The following KIF26B variants were observed in gnomAD, a reference collection of about 807,000 sequenced individuals.
The protein encoded by KIF26B is kinesin-like protein KIF26B.
KIF26B carries 63 observed loss-of-function variants against 151.2 expected under a neutral mutation model. The observed-to-expected ratio is 0.42, with a 90% CI of 0.34 to 0.51. The LOEUF is 0.51. Among genes scored for constraint, KIF26B ranks in the 20% least tolerant of loss-of-function variants. The pLI is 0.07. For synonymous variants in KIF26B, 1,357 were observed against 1,262.1 expected, an observed-to-expected ratio of 1.08 and a Z score of -1.59; for missense variants, 2,813 against 2,913.6, an observed-to-expected ratio of 0.97 and a Z score of 0.79.
chr1:245,526,137 C>T (rs1415601393), intron 4 of KIF26B, among the ~76,000 whole-genome samples: 1 of 152,148 alleles, frequency 6.6e-6, no homozygotes, highest in African/African-American at 2.4e-5. Flanking sequence ...GATTTCTTCT[C>T]TATTAAAAAC....
rs1198485011 is a variant in KIF26B at position 245,366,950 on chromosome 1, G to A, written c.582G>A (p.Leu194=). ...TTTGCGCCACTCACCTGAACCAGTT[G>A]AAGCAGGAGGCCATCCAGATGGTGC... is the stretch of plus-strand genomic sequence containing the variant. The part of the protein sequence containing the change: ...CDICATHLNQ[L]KQEAIQMVLT... The change falls in exon 3 of 15, where the codon TTG becomes TTA. Residue 194 remains leucine, a synonymous_variant. Coordinates refer to ENST00000407071, the MANE Select transcript of KIF26B (RefSeq NM_018012.4). 28 of 1,613,948 alleles carry A rather than the reference G, an allele frequency of 1.7e-5. No homozygotes were observed. Among genetic ancestry groups the A allele is most frequent in the East Asian group, 8.9e-5 (4 of 44,900 alleles).
At chr1:245,604,519 A>G (rs997910210) in intron 6 of KIF26B, among the ~76,000 whole-genome samples, 1 of 152,226 alleles carries the variant, frequency 6.6e-6, no homozygotes, top group South Asian at 2.1e-4. Context: ...GGGCTCAGTA[A>G]TTTAAACCTG....
chr1:245,521,168 T>C (rs1330449285), intron 4 of KIF26B, among the ~76,000 whole-genome samples: 2 of 152,100 alleles, frequency 1.3e-5, no homozygotes, highest in African/African-American at 2.4e-5. Flanking sequence ...AAACCCCGTC[T>C]TTACTAAAAA....
Position 245,366,955 on chromosome 1 carries a change from A to C in KIF26B, c.587A>C (p.Gln196Pro). ...ICATHLNQLKQEAIQMVLTLE... is the reference protein window; with the variant it reads ...ICATHLNQLKPEAIQMVLTLE... Reference sequence around the variant, plus strand: ...GCCACTCACCTGAACCAGTTGAAGCAGGAGGCCATCCAGATGGTGCTGACG... The same window carrying C: ...GCCACTCACCTGAACCAGTTGAAGCCGGAGGCCATCCAGATGGTGCTGACG... Residue 196 changes from glutamine to proline, a missense_variant, in exon 3 of 15, where the codon CAG becomes CCG. This residue lies in a region of KIF26B where 676 missense variants were observed against 688.1 expected (regional missense o/e 0.98). Transcript: ENST00000407071. The C allele has an allele frequency of 6.2e-7, 1 of 1,614,068 alleles. No individual in the cohort carries two copies. Among genetic ancestry groups the C allele is most frequent in the South Asian group, 1.1e-5 (1 of 91,092 alleles).
At chr1:245,254,057 G>T (rs571165827) in intron 2 of KIF26B, among the ~76,000 whole-genome samples, 1 of 151,946 alleles carries the variant, frequency 6.6e-6, no homozygotes, top group South Asian at 2.1e-4. Flanking sequence ...TAATTTGCCC[G>T]CCTCGGCCTC....
intron 3 of KIF26B, among the ~76,000 whole-genome samples, chr1:245,418,608 G>A (rs545775381): frequency 6.6e-6 from 1 of 152,262 alleles, no homozygotes; most frequent in South Asian, 2.1e-4. Flanking sequence ...GTAGGTGATT[G>A]GAAACATTTT....
intron 4 of KIF26B, among the ~76,000 whole-genome samples, chr1:245,433,828 T>C (rs1383213012): frequency 6.6e-6 from 1 of 152,212 alleles, no homozygotes; most frequent in African/African-American, 2.4e-5. Context: ...TGTCATTTTC[T>C]TGGCATTCTT....
At chr1:245,515,957 T>G (rs1283168320) in intron 4 of KIF26B, among the ~76,000 whole-genome samples, 1 of 152,112 alleles carries the variant, frequency 6.6e-6, no homozygotes, top group Non-Finnish European at 1.5e-5. Context: ...GGCAGCATGG[T>G]CAGGGAAGGG....
chr1:245,557,709 G>A (rs1449834491), intron 5 of KIF26B, among the ~76,000 whole-genome samples: 4 of 152,172 alleles, frequency 2.6e-5, no homozygotes, highest in African/African-American at 9.7e-5. Flanking sequence ...CAGGTGAGGT[G>A]AGTCCATATT....
At chr1:245,620,426 G>T (rs781084926) in intron 9 of KIF26B, among the ~76,000 whole-genome samples, 144 of 151,766 alleles carry the variant, frequency 9.5e-4, no homozygotes, top group Non-Finnish European at 1.9e-3. Context: ...TTGAGACAGG[G>T]TCTCACTCTG....
At chr1:245,539,781 T>C (rs1661565440) in intron 4 of KIF26B, among the ~76,000 whole-genome samples, 1 of 152,078 alleles carries the variant, frequency 6.6e-6, no homozygotes, top group Non-Finnish European at 1.5e-5. Flanking sequence ...GCCTCCCGAA[T>C]AGCTGGGATT....
chr1:245,407,034 TG>T (rs1674151189), intron 3 of KIF26B, among the ~76,000 whole-genome samples: 2 of 152,182 alleles, frequency 1.3e-5, no homozygotes, highest in South Asian at 4.1e-4. Flanking sequence ...GTGATCTGCC[TG>T]CCTTGGCCTC....
chr1:245,567,809 A>G (rs1328595100), intron 5 of KIF26B, among the ~76,000 whole-genome samples: 1 of 152,174 alleles, frequency 6.6e-6, no homozygotes, highest in Non-Finnish European at 1.5e-5. Flanking sequence ...GTCGTGGTGG[A>G]GCATCCCATT....
In KIF26B at chr1:245,540,100, A is replaced by G. The variant is rs961933434; in HGVS notation, c.1167-667A>G. 6.6e-6 allele frequency among the ~76,000 whole-genome samples: 1 copy of G among 150,740 alleles called. No homozygotes were observed. Among genetic ancestry groups the G allele is most frequent in the African/African-American group, 2.4e-5 (1 of 40,932 alleles). ...GCCCCCTTCAGTGCTTTGACCCCTT[A>G]CTCCTCGCACTTGACCATGAATTGC... On this transcript the variant is annotated intron_variant, in intron 4 of 14. Transcript: ENST00000407071. The surrounding 1 kb of genome is among the most constrained non-coding windows in gnomAD (Gnocchi z 4.6).
intron 2 of KIF26B, among the ~76,000 whole-genome samples, chr1:245,186,950 G>T (rs538557180): frequency 6.6e-6 from 1 of 151,972 alleles, no homozygotes; most frequent in African/African-American, 2.4e-5. Flanking sequence ...TCCACCTCCT[G>T]GATTCAAGTG....
Position 245,646,190 on chromosome 1 carries a change from G to T in KIF26B, c.2168G>T (p.Arg723Leu), listed in dbSNP as rs760299158. 1.9e-6 allele frequency: 3 copies of T among 1,613,946 alleles called. No individual in the cohort carries two copies. Among genetic ancestry groups the T allele is most frequent in the Admixed American group, 1.7e-5 (1 of 60,012 alleles). The change falls in exon 10 of 15, where the codon CGA becomes CTA. Residue 723 changes from arginine to leucine, a missense_variant. Arg to Leu is a moderately radical substitution (Grantham distance 102, BLOSUM62 -2). Around this residue, in one of 3 missense-constraint regions of KIF26B, gnomAD observed 2,060 missense variants for 2,088.6 expected, o/e 0.99. Coordinates refer to ENST00000407071, the MANE Select transcript of KIF26B (RefSeq NM_018012.4). ...TGTGTGAAAGCTCTTAGCAAAAATC[G>T]AGAAGGAGGCTCAGGGCTGTGTCTC... ...GSCVKALSKN[R>L]EGGSGLCLSL... is the part of the protein sequence containing the mutation.
At chr1:245,186,422 A>G (rs1293425317) in intron 2 of KIF26B, among the ~76,000 whole-genome samples, 1 of 152,208 alleles carries the variant, frequency 6.6e-6, no homozygotes, top group African/African-American at 2.4e-5. Flanking sequence ...GGTGCAGCTA[A>G]ACCAGCTAAA....
At chr1:245,174,078 C>T (rs1668761633) in intron 2 of KIF26B, among the ~76,000 whole-genome samples, 1 of 152,210 alleles carries the variant, frequency 6.6e-6, no homozygotes, top group South Asian at 2.1e-4. Context: ...ACTATAATTA[C>T]ATCGCACATT....
At chr1:245,261,216 G>A (rs1002822775) in intron 2 of KIF26B, among the ~76,000 whole-genome samples, 1 of 151,544 alleles carries the variant, frequency 6.6e-6, no homozygotes, top group Non-Finnish European at 1.5e-5. Context: ...TGCAATCTCG[G>A]CTCACCGCAA....
Sources: gnomAD v4.1 joint callset for allele counts (sites outside exome capture counted in the v4.1 genomes callset) on GRCh38, gnomAD v4.1.1 for gene constraint, gnomAD v4.1.1 regional missense constraint, Gnocchi (gnomAD v3.1) non-coding constraint, MANE v1.5 for transcripts, NCBI Gene and HGNC (gene_info 2026-07-23, HGNC 2026-07-21) for gene names.